CERCAM: variants seen among roughly 807,000 people sequenced by gnomAD.
CERCAM encodes the protein inactive glycosyltransferase 25 family member 3.
A neutral mutation model predicts 66.0 loss-of-function variants in CERCAM; 59 were observed. The observed-to-expected ratio is 0.89, with a 90% confidence interval of 0.73 to 1.11. The LOEUF (loss-of-function observed/expected upper bound fraction) is 1.11, where lower values mean the gene tolerates loss of function less well. Among genes scored for constraint, CERCAM ranks in the 50% most tolerant of loss-of-function variants. The pLI is 0.00. For synonymous variants in CERCAM, 318 were observed against 343.6 expected, an observed-to-expected ratio of 0.93 and a Z score of 0.83; for missense variants, 840 against 828.3, an observed-to-expected ratio of 1.01 and a Z score of -0.17.
rs368341929 is a variant in CERCAM at position 128,434,532 on chromosome 9, G to T, written c.1454G>T (p.Arg485Leu). The T allele has an allele frequency of 6.8e-6, 11 of 1,612,356 alleles. No individual in the cohort carries two copies. The East Asian group carries it at 1.1e-4, about 16-fold the overall frequency. ...TATGCCCTGCGTCTGGCGGGTGCCC[G>T]CAAGCTGCTGGCCTCACAGCCTCTG... ...LAYALRLAGARKLLASQPLRR... is the reference protein window; with the variant it reads ...LAYALRLAGALKLLASQPLRR... Residue 485 changes from arginine (R) to leucine (L), a missense_variant, in exon 11 of 13, where the codon CGC (arginine) becomes CTC (leucine). Physicochemically the swap from Arg to Leu is moderately radical, Grantham distance 102. Transcript: ENST00000372838. This position sits in a 1 kb window ranked among gnomAD's most constrained non-coding sequence, Gnocchi z 4.5.
chr9:128,435,928 C>G (rs760581614), intron 12 of CERCAM, 23 bp downstream of exon 12: 1 of 1,582,380 alleles, frequency 6.3e-7, no homozygotes, highest in African/African-American at 1.3e-5. Context: ...CGGGAAGAGG[C>G]CCCAGCCCCG....
chr9:128,431,261 C>T lies in CERCAM; in HGVS notation c.1161C>T (p.Gly387=), dbSNP rs761589974. The T allele has an allele frequency of 7.4e-6, 12 of 1,613,962 alleles. No individual in the cohort carries two copies. The highest frequency in any genetic ancestry group is 2.2e-5 in the East Asian group (1 of 44,892). ...ACTCGGGCCGCACTCTGACCAAGGG[C>T]GAGGTGGGCTGCTTCCTCAGCCATT... The part of the protein sequence containing the change: ...DPYSGRTLTK[G]EVGCFLSHYS... Residue 387 remains glycine, a synonymous_variant, in exon 9 of 13, where the codon GGC becomes GGT. Coordinates refer to ENST00000372838, the MANE Select transcript of CERCAM (RefSeq NM_016174.5).
Position 128,434,665 on chromosome 9 carries a change from G to A in CERCAM, c.1535+52G>A. On this transcript the variant is annotated intron_variant, in intron 11 of 12. Coordinates refer to ENST00000372838, the MANE Select transcript of CERCAM (RefSeq NM_016174.5). The surrounding 1 kb of genome is among the most constrained non-coding windows in gnomAD (Gnocchi z 4.5). The stretch of plus-strand genomic sequence containing the variant: ...GGCAGGGCAGAGGCGTCCCCTCCAG[G>A]AACTCACCTCAGTCAGCAGGAAGTC... 2.6e-6 allele frequency: 4 copies of A among 1,544,076 alleles called. No individual in the cohort carries two copies. Among genetic ancestry groups the A allele is most frequent in the Non-Finnish European group, 2.6e-6 (3 of 1,137,764 alleles).
rs201664355 is a variant in CERCAM at position 128,422,924 on chromosome 9, C to T, written c.254C>T (p.Ala85Val). 1.9e-5 allele frequency: 31 copies of T among 1,597,378 alleles called. No homozygotes were observed. The highest frequency in any genetic ancestry group is 2.4e-5 in the Non-Finnish European group (28 of 1,174,908). ...NTTEMLQEWL[A>V]AVGDDYAAVV... is the part of the protein sequence containing the mutation. The stretch of plus-strand genomic sequence containing the variant: ...ACAGAGATGCTGCAGGAGTGGCTGG[C>T]GGCTGTGGGCGATGACTATGCTGCT... Residue 85 changes from alanine (A) to valine (V), a missense_variant, in exon 2 of 13, where the codon GCG becomes GTG. Physicochemically the swap from Ala to Val is moderately conservative, Grantham distance 64 (BLOSUM62 0). Transcript: ENST00000372838.
chr9:128,435,577 C>A lies in CERCAM; in HGVS notation c.1536-76C>A, dbSNP rs1034678461. 5.9e-5 allele frequency: 89 copies of A among 1,500,564 alleles called. No individual in the cohort carries two copies. In the African/African-American group the frequency reaches 1.1e-3, roughly 19 times the overall value. The allele number at this position is 1,500,564 out of a possible 1,614,324, so 93.0% of individuals were successfully genotyped here. A position where few individuals can be genotyped will look rare whatever the true frequency, so the allele number is the denominator to read the frequency against. On this transcript the variant is annotated intron_variant, in intron 11 of 12. Coordinates refer to ENST00000372838, the MANE Select transcript of CERCAM (RefSeq NM_016174.5). ...TGAGGTGCTTTGGGCAGGCAAGGTGCCTGGCTCCGGGCAGGCATGTGTCCG... is the reference window on the plus strand; with the variant it reads ...TGAGGTGCTTTGGGCAGGCAAGGTGACTGGCTCCGGGCAGGCATGTGTCCG...
At chr9:128,435,629 C>G (rs978801312) in intron 11 of CERCAM, 24 bp from the exon 12 acceptor site, 24 of 1,573,612 alleles carry the variant, frequency 1.5e-5, no homozygotes, top group Non-Finnish European at 1.9e-5. Context: ...CTCAATCCCC[C>G]TGAGCTATCC....
intron 8 of CERCAM, 127 bp from the exon 9 acceptor site, chr9:128,431,044 G>A: frequency 8.7e-7 from 1 of 1,142,940 alleles, no homozygotes; most frequent in Admixed American, 2.1e-5. Context: ...TCACACAAAG[G>A]AGTTACAAGG....
chr9:128,423,011 A>G (rs747241373), intron 2 of CERCAM, 33 bp downstream of exon 2: 3 of 1,613,248 alleles, frequency 1.9e-6, no homozygotes, highest in Non-Finnish European at 1.7e-6. Flanking sequence ...GCTGGGGAAG[A>G]TGGAGAACAG....
chr9:128,423,300 C>T (rs199763648), intron 3 of CERCAM, 37 bp downstream of exon 3: 13 of 1,514,858 alleles, frequency 8.6e-6, no homozygotes, highest in African/African-American at 5.5e-5. Context: ...TTCTGAAAGG[C>T]GGTAGTATCC....
intron 5 of CERCAM, 145 bp downstream of exon 5, chr9:128,424,759 C>G (rs1588617126): frequency 1.5e-6 from 1 of 686,346 alleles, no homozygotes; most frequent in Non-Finnish European, 2.4e-6. Flanking sequence ...GTTTTCTTTT[C>G]TCTCTCTTTT....
intron 6 of CERCAM, 116 bp from the exon 7 acceptor site, chr9:128,428,640 CG>C: frequency 2.4e-6 from 3 of 1,229,244 alleles, no homozygotes; most frequent in Non-Finnish European, 3.6e-6. Flanking sequence ...TCTGAGGTCC[CG>C]TCCTGTGGGG....
In CERCAM at chr9:128,420,874, C is replaced by T. The variant is rs891554773; in HGVS notation, c.-4C>T. On this transcript the variant is annotated 5_prime_UTR_variant, in exon 1 of 13. Coordinates refer to ENST00000372838, the MANE Select transcript of CERCAM (RefSeq NM_016174.5). This position sits in a 1 kb window ranked among gnomAD's most constrained non-coding sequence, Gnocchi z 5.0. ...GGGCCGCTGCAGCCGCCCAAGCGCCCGCCATGCGCGCTGCCCGCGCCGCGC... is the reference window on the plus strand; with the variant it reads ...GGGCCGCTGCAGCCGCCCAAGCGCCTGCCATGCGCGCTGCCCGCGCCGCGC... 2 of 1,256,854 alleles carry T rather than the reference C, an allele frequency of 1.6e-6. No individual in the cohort carries two copies. The highest frequency in any genetic ancestry group is 4.2e-5 in the Admixed American group (1 of 23,574). The allele number at this position is 1,256,854 out of a possible 1,614,324, so 77.9% of individuals were successfully genotyped here. A position where few individuals can be genotyped will look rare whatever the true frequency, so the allele number is the denominator to read the frequency against.
chr9:128,420,882 G>A lies in CERCAM; in HGVS notation c.5G>A (p.Arg2His). The A allele has an allele frequency of 2.3e-6, 3 of 1,290,870 alleles. No homozygotes were observed. Among genetic ancestry groups the A allele is most frequent in the Non-Finnish European group, 2.9e-6 (3 of 1,020,972 alleles). The allele number at this position is 1,290,870 out of a possible 1,614,324, so 80.0% of individuals were successfully genotyped here. A position where few individuals can be genotyped will look rare whatever the true frequency, so the allele number is the denominator to read the frequency against. The change falls in exon 1 of 13, where the codon CGC (arginine) becomes CAC (histidine). Residue 2 changes from arginine to histidine, a missense_variant. Arg to His is a conservative substitution (Grantham distance 29). Coordinates refer to ENST00000372838, the MANE Select transcript of CERCAM (RefSeq NM_016174.5). The surrounding 1 kb of genome is among the most constrained non-coding windows in gnomAD (Gnocchi z 5.0). M[R>H]AARAAPLLQL... ...GCAGCCGCCCAAGCGCCCGCCATGCGCGCTGCCCGCGCCGCGCCGCTGCTC... is the reference window on the plus strand; with the variant it reads ...GCAGCCGCCCAAGCGCCCGCCATGCACGCTGCCCGCGCCGCGCCGCTGCTC...
Position 128,424,156 on chromosome 9 carries a change from A to G in CERCAM, c.445A>G (p.Ile149Val), listed in dbSNP as rs754290888. Residue 149 changes from isoleucine (I) to valine (V), a missense_variant, in exon 4 of 13, where the codon ATT becomes GTT. By Grantham distance (29) the Ile-to-Val change is conservative. Coordinates refer to ENST00000372838, the MANE Select transcript of CERCAM (RefSeq NM_016174.5). ...DYILFADTDN[I>V]LTNNQTLRLL... is the part of the protein sequence containing the mutation. ...CTCAAAGTTTGCAGACACAGACAAC[A>G]TTCTGACCAACAATCAGACTCTGCG... The G allele has an allele frequency of 7.4e-6, 12 of 1,614,082 alleles. No individual in the cohort carries two copies. The highest frequency in any genetic ancestry group is 1.3e-5 in the African/African-American group (1 of 75,048).
At chr9:128,423,301 G>T (rs780486736) in intron 3 of CERCAM, 38 bp downstream of exon 3, 1 of 1,519,796 alleles carries the variant, frequency 6.6e-7, no homozygotes, top group South Asian at 1.1e-5. Flanking sequence ...TCTGAAAGGC[G>T]GTAGTATCCG....
Position 128,424,503 on chromosome 9 carries a change from G to T in CERCAM, c.655G>T (p.Ala219Ser), listed in dbSNP as rs1833791507. The T allele has an allele frequency of 6.2e-7, 1 of 1,613,890 alleles. No homozygotes were observed. Among genetic ancestry groups the T allele is most frequent in the Non-Finnish European group, 8.5e-7 (1 of 1,180,008 alleles). ...RVPMVHSTFL[A>S]SLRAEGADQL... ...CCCCATGGTCCACTCCACCTTCCTTGCATCCCTGCGGGCTGAAGGGGCAGA... is the reference window on the plus strand; with the variant it reads ...CCCCATGGTCCACTCCACCTTCCTTTCATCCCTGCGGGCTGAAGGGGCAGA... Residue 219 changes from alanine to serine, a missense_variant, in exon 5 of 13, where the codon GCA becomes TCA. Transcript: ENST00000372838.
rs201414789 is a variant in CERCAM at position 128,424,763 on chromosome 9, CTCT to C, written c.766+151_766+153del. The C allele has an allele frequency of 4.0e-3, 2,658 of 665,056 alleles. 47 individuals are homozygous for C. The African/African-American group carries it at 0.043, about 11-fold the overall frequency. 41.2% of individuals were successfully genotyped at this position (665,056 alleles called of 1,614,324 possible). A position where few individuals can be genotyped will look rare whatever the true frequency, so the allele number is the denominator to read the frequency against. On this transcript the variant is annotated intron_variant, in intron 5 of 12. Coordinates refer to ENST00000372838, the MANE Select transcript of CERCAM (RefSeq NM_016174.5). ...TTGGGTCATGAGTTTTCTTTTCTCT[CTCT>C]TTTTTTTTTTTTTTGGTGTGATCTC...
At chr9:128,426,513 G>A (rs1833850945) in intron 5 of CERCAM, among the ~76,000 whole-genome samples, 1 of 151,970 alleles carries the variant, frequency 6.6e-6, no homozygotes, top group Admixed American at 6.6e-5. Context: ...CCAGCTACTC[G>A]GGAGGCTGAG....
At position 128,422,965 on chromosome 9, in the gene CERCAM, GA is replaced by G; in HGVS notation, c.296del (p.Glu99GlyfsTer24). The G allele has an allele frequency of 1.9e-6, 3 of 1,613,824 alleles. No homozygotes were observed. The South Asian group carries it at 3.3e-5, about 18-fold the overall frequency. ...CTATGCTGCTGTGGTCTGGAGGCCT[GA>G]GGGCGAGCCCAGGTGGTGATCTGAG... ...DDYAAVVWRP[E>X]GEPRFYPDEE... On this transcript the variant is annotated frameshift_variant, in exon 2 of 13. Coordinates refer to ENST00000372838, the MANE Select transcript of CERCAM (RefSeq NM_016174.5). LOFTEE classifies it high-confidence loss of function.
Sources: gnomAD v4.1 joint callset for allele counts (sites outside exome capture counted in the v4.1 genomes callset) on GRCh38, gnomAD v4.1.1 for gene constraint, Gnocchi (gnomAD v3.1) non-coding constraint, MANE v1.5 for transcripts, NCBI Gene and HGNC (gene_info 2026-07-23, HGNC 2026-07-21) for gene names.